Variants in NBEAL2 observed in about 807,000 individuals in gnomAD.
NBEAL2 encodes the protein neurobeachin like 2, also known as neurobeachin-like protein 2.
A neutral mutation model predicts 299.8 loss-of-function variants in NBEAL2; 160 were observed. That is an observed-to-expected ratio of 0.53 (90% CI 0.47 to 0.61). The LOEUF is 0.61. NBEAL2 is among the 20% of genes least tolerant of loss of function. The pLI is 0.00. For missense variants in NBEAL2, 3,112 were observed against 3,649.0 expected (o/e 0.85, Z 3.79); for synonymous variants, 1,493 against 1,542.3 (o/e 0.97, Z 0.75).
Position 47,004,861 on chromosome 3 carries a change from C to T in NBEAL2, c.6295-111C>T. 1 of 1,489,502 alleles carries T rather than the reference C, an allele frequency of 6.7e-7. No individual in the cohort carries two copies. Among genetic ancestry groups the T allele is most frequent in the Non-Finnish European group, 9.0e-7 (1 of 1,106,574 alleles). The allele number at this position is 1,489,502 out of a possible 1,614,324, so 92.3% of individuals were successfully genotyped here. ...CTGTGACCCCTCTAAGTGGTGCTCC[C>T]CCAACCTGTGGGCAGGCTCTGTGCC... On this transcript the variant is annotated intron_variant, in intron 38 of 53. Coordinates refer to ENST00000450053, the MANE Select transcript of NBEAL2 (RefSeq NM_015175.3). The surrounding 1 kb of genome is among the most constrained non-coding windows in gnomAD (Gnocchi z 5.0).
chr3:46,996,314 C>T lies in NBEAL2; in HGVS notation c.2195C>T (p.Thr732Met), dbSNP rs376623029. The part of the protein sequence containing the change: ...CCIGSAGYRT[T>M]TTTTGLPTPP... ...ATCGGCTCCGCTGGATACCGCACAACGACCACCACCACAGGGCTGCCCACA... is the reference window on the plus strand; with the variant it reads ...ATCGGCTCCGCTGGATACCGCACAATGACCACCACCACAGGGCTGCCCACA... The change falls in exon 16 of 54, where the codon ACG (threonine) becomes ATG (methionine). Residue 732 changes from threonine (T) to methionine (M), a missense_variant. Coordinates refer to ENST00000450053, the MANE Select transcript of NBEAL2 (RefSeq NM_015175.3). 1.6e-4 allele frequency: 254 copies of T among 1,610,608 alleles called. 1 individual carries two copies. The highest frequency in any genetic ancestry group is 5.3e-4 in the South Asian group (48 of 91,086).
chr3:46,997,273 C>T lies in NBEAL2; in HGVS notation c.2664C>T (p.Cys888=), dbSNP rs780626024. 30 of 1,612,598 alleles carry T rather than the reference C, an allele frequency of 1.9e-5. No individual in the cohort carries two copies. Among genetic ancestry groups the T allele is most frequent in the Non-Finnish European group, 2.4e-5 (28 of 1,179,816 alleles). ...CCTTCCCCCAGGATGTGGTGAACTGCGTTGGGGGTATGGGTGCCCTGCTGC... is the reference window on the plus strand; with the variant it reads ...CCTTCCCCCAGGATGTGGTGAACTGTGTTGGGGGTATGGGTGCCCTGCTGC... ...ETWDVKDVVN[C]VGGMGALLPL... The change falls in exon 19 of 54, where the codon TGC becomes TGT. Residue 888 remains cysteine (C), a synonymous_variant. Transcript: ENST00000450053.
At position 46,994,468 on chromosome 3, in the gene NBEAL2, A is replaced by G; in HGVS notation, c.1211A>G (p.Glu404Gly). ...DSPSAKEVFKERIGYPHLQEV... is the reference protein window; with the variant it reads ...DSPSAKEVFKGRIGYPHLQEV... The stretch of plus-strand genomic sequence containing the variant: ...TACCTTACACAGGAGGTGTTTAAGG[A>G]GCGCATCGGCTACCCTCACCTGCAG... Residue 404 changes from glutamate to glycine, a missense_variant, in exon 12 of 54, where the codon GAG (glutamate) becomes GGG (glycine). Transcript: ENST00000450053. 6.3e-7 allele frequency: 1 copy of G among 1,593,934 alleles called. No individual in the cohort carries two copies. The highest frequency in any genetic ancestry group is 8.6e-7 in the Non-Finnish European group (1 of 1,168,618).
intron 43 of NBEAL2, 25 bp downstream of exon 43, chr3:47,006,088 C>T (rs2037421580): frequency 6.2e-7 from 1 of 1,612,838 alleles, no homozygotes; most frequent in African/African-American, 1.3e-5. Context: ...GGACTCCAGT[C>T]AGGGCCAGGA....
At position 46,998,082 on chromosome 3, in the gene NBEAL2, A is replaced by G. The variant is rs772625195; in HGVS notation, c.2974A>G (p.Met992Val). 2.5e-6 allele frequency: 4 copies of G among 1,572,886 alleles called. No individual in the cohort carries two copies. The highest frequency in any genetic ancestry group is 1.8e-5 in the Admixed American group (1 of 54,072). Residue 992 changes from methionine to valine, a missense_variant, in exon 21 of 54, where the codon ATG becomes GTG. By Grantham distance (21) the Met-to-Val change is conservative. Around this residue, in one of 3 missense-constraint regions of NBEAL2, gnomAD observed 2,243 missense variants for 2,538.1 expected, o/e 0.88. Coordinates refer to ENST00000450053, the MANE Select transcript of NBEAL2 (RefSeq NM_015175.3). ...CTTATCCCAGGTCCCAAGCTGGGCCATGGACATGAACGTGCTCATGTCCGC... is the reference window on the plus strand; with the variant it reads ...CTTATCCCAGGTCCCAAGCTGGGCCGTGGACATGAACGTGCTCATGTCCGC... ...ALLRKVPSWA[M>V]DMNVLMSAQL...
Position 46,994,429 on chromosome 3 carries a change from C to T in NBEAL2, c.1198-26C>T, listed in dbSNP as rs778822896. The T allele has an allele frequency of 6.4e-6, 10 of 1,559,186 alleles. No homozygotes were observed. In the East Asian group the frequency reaches 1.2e-4, roughly 18 times the overall value. ...GCCCTCCGGCCCATGTATGTGTTCA[C>T]TTCTTCCCCATACTACCTTACACAG... On this transcript the variant is annotated intron_variant, in intron 11 of 53. Coordinates refer to ENST00000450053, the MANE Select transcript of NBEAL2 (RefSeq NM_015175.3).
Position 46,992,564 on chromosome 3 carries a change from C to G in NBEAL2, c.1113+9C>G, listed in dbSNP as rs781441193. Reference sequence around the variant, plus strand: ...AGCCCGATGTCCAAAAGGTACCATCCTGGGGCTGACCAGCTCAGACACCCC... The same window carrying G: ...AGCCCGATGTCCAAAAGGTACCATCGTGGGGCTGACCAGCTCAGACACCCC... On this transcript the variant is annotated intron_variant, in intron 10 of 53. Coordinates refer to ENST00000450053, the MANE Select transcript of NBEAL2 (RefSeq NM_015175.3). 5 of 1,587,884 alleles carry G rather than the reference C, an allele frequency of 3.1e-6. No homozygotes were observed. The Admixed American group carries it at 8.8e-5, about 28-fold the overall frequency.
chr3:47,008,238 T>TC (rs752032887), intron 50 of NBEAL2, 45 bp from the exon 51 acceptor site: 3 of 1,612,984 alleles, frequency 1.9e-6, no homozygotes, highest in African/African-American at 2.7e-5. Context: ...GCAATCCCCC[T>TC]GGAGCCCAGA....
At position 47,002,974 on chromosome 3, in the gene NBEAL2, G is replaced by A. The variant is rs759623736; in HGVS notation, c.5477G>A (p.Arg1826His). 1.1e-5 allele frequency: 18 copies of A among 1,613,050 alleles called. No individual in the cohort carries two copies. Among genetic ancestry groups the A allele is most frequent in the East Asian group, 4.5e-5 (2 of 44,882 alleles). ...TTCTGCAGGGACACTCCCATCCCCC[G>A]CTGGAAACTGTCCAGCGCCGAGACA... ...AWALRDTPIP[R>H]WKLSSAETYS... Residue 1826 changes from arginine (R) to histidine (H), a missense_variant, in exon 34 of 54, where the codon CGC (arginine) becomes CAC (histidine). By Grantham distance (29) the Arg-to-His change is conservative. This residue lies in a region of NBEAL2 where 2,243 missense variants were observed against 2,538.1 expected (regional missense o/e 0.88). Transcript: ENST00000450053.
chr3:46,995,907 G>A, intron 14 of NBEAL2, 25 bp from the exon 15 acceptor site: 2 of 1,613,228 alleles, frequency 1.2e-6, no homozygotes, highest in Non-Finnish European at 8.5e-7. Context: ...CCCAAGTATG[G>A]CCTAATGTGA....
intron 1 of NBEAL2, among the ~76,000 whole-genome samples, chr3:46,986,641 A>AT (rs1271305443): frequency 3.3e-5 from 5 of 152,044 alleles, no homozygotes; most frequent in African/African-American, 1.2e-4. Flanking sequence ...GGAAGACAGT[A>AT]TTGGGACATT....
chr3:46,998,263 G>T (rs1267538583), intron 21 of NBEAL2, 37 bp downstream of exon 21: 2 of 1,595,086 alleles, frequency 1.3e-6, no homozygotes, highest in Non-Finnish European at 1.7e-6. Flanking sequence ...CCGGCCATAG[G>T]GCAGCTGAGC....
intron 20 of NBEAL2, among the ~76,000 whole-genome samples, 178 bp from the exon 21 acceptor site, chr3:46,997,889 G>T (rs564653720): frequency 6.6e-6 from 1 of 152,356 alleles, no homozygotes; most frequent in African/African-American, 2.4e-5. Flanking sequence ...GCAGGGACCC[G>T]CACAGCAGGC....
chr3:46,991,405 G>A lies in NBEAL2; in HGVS notation c.643-1G>A. 6.2e-7 allele frequency: 1 copy of A among 1,602,212 alleles called. No individual in the cohort carries two copies. Among genetic ancestry groups the A allele is most frequent in the Non-Finnish European group, 8.5e-7 (1 of 1,173,210 alleles). The stretch of plus-strand genomic sequence containing the variant: ...CTGCCCATCTCTGTCCACACCTGCA[G>A]GAGAACGGGCAGATGGCTGTAAGTG... On this transcript the variant is annotated splice_acceptor_variant, in intron 7 of 53. Transcript: ENST00000450053. LOFTEE classifies it high-confidence loss of function. This position sits in a 1 kb window ranked among gnomAD's most constrained non-coding sequence, Gnocchi z 6.2.
At chr3:47,006,932 G>A in intron 45 of NBEAL2, 134 bp from the exon 46 acceptor site, 1 of 698,624 alleles carries the variant, frequency 1.4e-6, no homozygotes, top group Non-Finnish European at 2.3e-6. Context: ...TTTCTTGGAG[G>A]GAACCTCTGC....
rs1404489552 is a variant in NBEAL2, at chr3:47,004,557, G to C, written c.6261G>C (p.Gly2087=). 5.0e-6 allele frequency: 8 copies of C among 1,613,684 alleles called. No individual in the cohort carries two copies. The highest frequency in any genetic ancestry group is 5.9e-6 in the Non-Finnish European group (7 of 1,179,854). The change falls in exon 38 of 54, where the codon GGG becomes GGC. Residue 2087 remains glycine, a synonymous_variant. Coordinates refer to ENST00000450053, the MANE Select transcript of NBEAL2 (RefSeq NM_015175.3). The surrounding 1 kb of genome is among the most constrained non-coding windows in gnomAD (Gnocchi z 5.0). ...TGATGCAACTCAACACCATTGCGGG[G>C]CGGACCTACAATGACCTGTCTCAGT... ...EYLMQLNTIA[G]RTYNDLSQYP...
At position 46,998,194 on chromosome 3, in the gene NBEAL2, T is replaced by C. The variant is rs990391806; in HGVS notation, c.3086T>C (p.Leu1029Pro). 4.3e-5 allele frequency: 69 copies of C among 1,610,240 alleles called. No homozygotes were observed. Among genetic ancestry groups the C allele is most frequent in the Non-Finnish European group, 5.5e-5 (65 of 1,178,520 alleles). ...CAGCATTTGCTCTTCAACTTTCACCTCTGGACCCTCAGTGACTTCGCCGTG... is the reference window on the plus strand; with the variant it reads ...CAGCATTTGCTCTTCAACTTTCACCCCTGGACCCTCAGTGACTTCGCCGTG... ...LYQHLLFNFH[L>P]WTLSDFAVRL... Residue 1029 changes from leucine (L) to proline (P), a missense_variant, in exon 21 of 54, where the codon CTC (leucine) becomes CCC (proline). Leu to Pro is a moderately conservative substitution (Grantham distance 98). This residue lies in a region of NBEAL2 where 2,243 missense variants were observed against 2,538.1 expected (regional missense o/e 0.88). Transcript: ENST00000450053.
chr3:46,981,915 C>G (rs2035375707), intron 1 of NBEAL2: 1 of 152,342 alleles, frequency 6.6e-6, no homozygotes, highest in Non-Finnish European at 1.5e-5. Context: ...GAGCCTCCCC[C>G]TCCCGGAGCT....
At chr3:47,007,011 G>A in intron 45 of NBEAL2, 55 bp from the exon 46 acceptor site, 1 of 1,404,622 alleles carries the variant, frequency 7.1e-7, no homozygotes, top group Non-Finnish European at 9.8e-7. Flanking sequence ...TCAGGGAGCA[G>A]ATAGTGTAAT....
Sources: gnomAD v4.1 joint callset for allele counts (sites outside exome capture counted in the v4.1 genomes callset) on GRCh38, gnomAD v4.1.1 for gene constraint, gnomAD v4.1.1 regional missense constraint, Gnocchi (gnomAD v3.1) non-coding constraint, MANE v1.5 for transcripts, NCBI Gene and HGNC (gene_info 2026-07-23, HGNC 2026-07-21) for gene names.